Variants in SHISA3 observed in about 807,000 individuals in gnomAD.
SHISA3 encodes shisa family member 3.
A neutral mutation model predicts 19.2 loss-of-function variants in SHISA3; 15 were observed. The ratio of observed to expected loss-of-function variants is 0.78; its 90% confidence interval spans 0.52 to 1.20. SHISA3 has a LOEUF of 1.20. Among genes scored for constraint, SHISA3 ranks in the 50% most tolerant of loss-of-function variants. The pLI is 0.00. For synonymous variants in SHISA3, 145 were observed against 135.2 expected (o/e 1.07, Z -0.50); for missense variants, 327 against 315.7 (o/e 1.04, Z -0.27).
Position 42,398,168 on chromosome 4 carries a change from T to C in SHISA3, c.112T>C (p.Tyr38His). 1 of 1,607,142 alleles carries C rather than the reference T, an allele frequency of 6.2e-7. No homozygotes were observed. Among genetic ancestry groups the C allele is most frequent in the Non-Finnish European group, 8.5e-7 (1 of 1,177,272 alleles). ...CHGWVDVQGN[Y>H]HEGFQCPEDF... is the part of the protein sequence containing the mutation. ...CGGCTGGGTGGACGTGCAGGGCAAC[T>C]ACCACGAGGGCTTCCAGTGCCCAGA... The change falls in exon 1 of 2, where the codon TAC becomes CAC. Residue 38 changes from tyrosine (Y) to histidine (H), a missense_variant. Transcript: ENST00000319234.
Position 42,398,219 on chromosome 4 carries a change from AT to A in SHISA3, c.164del (p.Ile55ThrfsTer61). On this transcript the variant is annotated frameshift_variant, in exon 1 of 2. Coordinates refer to ENST00000319234, the MANE Select transcript of SHISA3 (RefSeq NM_001080505.3). LOFTEE classifies it high-confidence loss of function. Reference protein sequence around the residue: ...PEDFDTLDATICCGSCALRYC... With the variant: ...PEDFDTLDATXCCGSCALRYC... ...GGACTTCGACACGCTGGACGCTACCATCTGCTGCGGCTCCTGCGCGCTCCGC... is the reference window on the plus strand; with the variant it reads ...GGACTTCGACACGCTGGACGCTACCACTGCTGCGGCTCCTGCGCGCTCCGC... 1 of 1,596,416 alleles carries A rather than the reference AT, an allele frequency of 6.3e-7. No homozygotes were observed. Among genetic ancestry groups the A allele is most frequent in the Non-Finnish European group, 8.5e-7 (1 of 1,171,822 alleles).
Position 42,398,351 on chromosome 4 carries a change from G to T in SHISA3, c.277+18G>T, listed in dbSNP as rs1254919352. On this transcript the variant is annotated intron_variant, in intron 1 of 1. Coordinates refer to ENST00000319234, the MANE Select transcript of SHISA3 (RefSeq NM_001080505.3). ...CACTGCGCGTAAGTGCGGGGCCCTC[G>T]GGGACATATCCCCGCCCGCCTAACG... is the stretch of plus-strand genomic sequence containing the variant. 7.2e-6 allele frequency: 11 copies of T among 1,523,092 alleles called. 1 individual carries two copies. In the South Asian group the frequency reaches 1.4e-4, roughly 19 times the overall value. The allele number at this position is 1,523,092 out of a possible 1,614,324, so 94.3% of individuals were successfully genotyped here.
chr4:42,398,366 C>T lies in SHISA3; in HGVS notation c.277+33C>T, dbSNP rs377224976. 6.3e-5 allele frequency: 94 copies of T among 1,497,792 alleles called. No individual in the cohort carries two copies. The East Asian group carries it at 8.6e-4, about 14-fold the overall frequency. 92.8% of individuals were successfully genotyped at this position (1,497,792 alleles called of 1,614,324 possible). ...CGGGGCCCTCGGGGACATATCCCCG[C>T]CCGCCTAACGGCGGCGGCTGCATGT... On this transcript the variant is annotated intron_variant, in intron 1 of 1. Coordinates refer to ENST00000319234, the MANE Select transcript of SHISA3 (RefSeq NM_001080505.3).
rs1456613892 is a variant in SHISA3, at chr4:42,398,223, G to A, written c.167G>A (p.Cys56Tyr). Reference protein sequence around the residue: ...EDFDTLDATICCGSCALRYCC... With the variant: ...EDFDTLDATIYCGSCALRYCC... ...TTCGACACGCTGGACGCTACCATCT[G>A]CTGCGGCTCCTGCGCGCTCCGCTAC... is the stretch of plus-strand genomic sequence containing the variant. The change falls in exon 1 of 2, where the codon TGC becomes TAC. Residue 56 changes from cysteine to tyrosine, a missense_variant. Transcript: ENST00000319234. 1 of 1,594,176 alleles carries A rather than the reference G, an allele frequency of 6.3e-7. No individual in the cohort carries two copies. The highest frequency in any genetic ancestry group is 1.3e-5 in the African/African-American group (1 of 74,398).
intron 1 of SHISA3, among the ~76,000 whole-genome samples, chr4:42,400,127 G>T (rs977714194): frequency 3.9e-5 from 6 of 152,342 alleles, no homozygotes; most frequent in Non-Finnish European, 7.3e-5. Context: ...TCTTCTACCT[G>T]TAAGCTGGAG....
intron 1 of SHISA3, 140 bp downstream of exon 1, chr4:42,398,473 G>T: frequency 1.1e-6 from 1 of 902,880 alleles, no homozygotes; most frequent in Non-Finnish European, 1.6e-6. Flanking sequence ...CCGGGTGGGG[G>T]AATCAAGGGA....
intron 1 of SHISA3, among the ~76,000 whole-genome samples, chr4:42,400,762 A>G (rs961552250): frequency 1.7e-4 from 26 of 152,120 alleles, no homozygotes; most frequent in African/African-American, 5.8e-4. Flanking sequence ...GATGTGCAAT[A>G]TGATAGTTAA....
Position 42,401,072 on chromosome 4 carries a change from G to A in SHISA3, c.338G>A (p.Gly113Asp), listed in dbSNP as rs1451950805. Residue 113 changes from glycine (G) to aspartate (D), a missense_variant, in exon 2 of 2, where the codon GGC (glycine) becomes GAC (aspartate). Coordinates refer to ENST00000319234, the MANE Select transcript of SHISA3 (RefSeq NM_001080505.3). ...ATCTTCATTGCGTTCATCATCCTGG[G>A]CTCTGTAGTGGCTATTTATTGTTGC... The part of the protein sequence containing the change: ...GSIFIAFIIL[G>D]SVVAIYCCTC... 6.2e-7 allele frequency: 1 copy of A among 1,614,112 alleles called. No homozygotes were observed. Among genetic ancestry groups the A allele is most frequent in the Non-Finnish European group, 8.5e-7 (1 of 1,180,030 alleles).
In SHISA3 at chr4:42,402,465, A is replaced by G. The variant is rs1050540760; in HGVS notation, c.*1014A>G. The G allele has an allele frequency of 6.6e-6, 1 of 152,164 alleles. No homozygotes were observed. Among genetic ancestry groups the G allele is most frequent in the Admixed American group, 6.5e-5 (1 of 15,276 alleles). 9.4% of individuals were successfully genotyped at this position (152,164 alleles called of 1,614,324 possible). On this transcript the variant is annotated 3_prime_UTR_variant, in exon 2 of 2. Transcript: ENST00000319234. ...CTTGTTGGATTAGAATAAATAAAAC[A>G]CTTTATATTTTCATGAACTCTATTT...
intron 1 of SHISA3, 77 bp from the exon 2 acceptor site, chr4:42,400,935 C>T: frequency 6.8e-7 from 1 of 1,474,858 alleles, no homozygotes; most frequent in South Asian, 1.3e-5. Context: ...CCTCTCAACC[C>T]TCAGCTGCCC....
At position 42,398,331 on chromosome 4, in the gene SHISA3, C is replaced by A. The variant is rs764682928; in HGVS notation, c.275C>A (p.Ala92Glu). Reference protein sequence around the residue: ...RRELEHPGITAQPVYVPFLIV... With the variant: ...RRELEHPGITEQPVYVPFLIV... Reference sequence around the variant, plus strand: ...GAACTGGAGCACCCAGGCATCACTGCGCGTAAGTGCGGGGCCCTCGGGGAC... The same window carrying A: ...GAACTGGAGCACCCAGGCATCACTGAGCGTAAGTGCGGGGCCCTCGGGGAC... Residue 92 changes from alanine to glutamate, a missense_variant and splice_region_variant, in exon 1 of 2, where the codon GCG becomes GAG. Physicochemically the swap from Ala to Glu is moderately radical, Grantham distance 107 (BLOSUM62 -1). Transcript: ENST00000319234. The A allele has an allele frequency of 7.8e-6, 12 of 1,546,650 alleles. No individual in the cohort carries two copies. In the African/African-American group the frequency reaches 1.4e-4, roughly 18 times the overall value.
In SHISA3 at chr4:42,401,635, C is replaced by T. The variant is rs527961952; in HGVS notation, c.*184C>T. On this transcript the variant is annotated 3_prime_UTR_variant, in exon 2 of 2. Transcript: ENST00000319234. ...TGTCTCCAATCACAGAAAGGCTAAA[C>T]CAGAGAACTGTTTTCTGGTTTTGCA... is the stretch of plus-strand genomic sequence containing the variant. 1.9e-4 allele frequency: 113 copies of T among 601,206 alleles called. No individual in the cohort carries two copies. In the South Asian group the frequency reaches 3.2e-3, roughly 17 times the overall value. The allele number at this position is 601,206 out of a possible 1,614,324, so 37.2% of individuals were successfully genotyped here. A position where few individuals can be genotyped will look rare whatever the true frequency, so the allele number is the denominator to read the frequency against.
intron 1 of SHISA3, among the ~76,000 whole-genome samples, chr4:42,399,913 C>T (rs1304326260): frequency 6.6e-6 from 1 of 152,222 alleles, no homozygotes; most frequent in Non-Finnish European, 1.5e-5. Context: ...AGAGCTTACG[C>T]CTAGTAGCCC....
In SHISA3 at chr4:42,402,352, T is replaced by G. The variant is rs1711946923; in HGVS notation, c.*901T>G. 6.6e-6 allele frequency: 1 copy of G among 152,216 alleles called. No homozygotes were observed. The highest frequency in any genetic ancestry group is 6.5e-5 in the Admixed American group (1 of 15,282). The allele number at this position is 152,216 out of a possible 1,614,324, so 9.4% of individuals were successfully genotyped here. ...TGTTAATAATAACTGGAGTTCAAAG[T>G]CTAGCTATTGGTATAATCATCTAAT... is the stretch of plus-strand genomic sequence containing the variant. On this transcript the variant is annotated 3_prime_UTR_variant, in exon 2 of 2. Transcript: ENST00000319234.
chr4:42,401,882 G>A lies in SHISA3; in HGVS notation c.*431G>A, dbSNP rs1711935254. 6.4e-6 allele frequency: 1 copy of A among 155,338 alleles called. No homozygotes were observed. Among genetic ancestry groups the A allele is most frequent in the Admixed American group, 6.5e-5 (1 of 15,412 alleles). 9.6% of individuals were successfully genotyped at this position (155,338 alleles called of 1,614,324 possible). A position where few individuals can be genotyped will look rare whatever the true frequency, so the allele number is the denominator to read the frequency against. On this transcript the variant is annotated 3_prime_UTR_variant, in exon 2 of 2. Transcript: ENST00000319234. ...AAATACCTAATTGTAATTATCAAAGGTTCACTTAAAAAATTAACTATTAGG... is the reference window on the plus strand; with the variant it reads ...AAATACCTAATTGTAATTATCAAAGATTCACTTAAAAAATTAACTATTAGG...
Position 42,401,037 on chromosome 4 carries a change from C to T in SHISA3, c.303C>T (p.Ile101=), listed in dbSNP as rs1429694353. ...AGCCTGTCTACGTCCCCTTTCTCAT[C>T]GTCGGCTCCATCTTCATTGCGTTCA... ...TAQPVYVPFL[I]VGSIFIAFII... is the part of the protein sequence containing the mutation. The change falls in exon 2 of 2, where the codon ATC becomes ATT. Residue 101 remains isoleucine, a synonymous_variant. Coordinates refer to ENST00000319234, the MANE Select transcript of SHISA3 (RefSeq NM_001080505.3). 17 of 1,614,138 alleles carry T rather than the reference C, an allele frequency of 1.1e-5. No homozygotes were observed. The highest frequency in any genetic ancestry group is 1.4e-5 in the Non-Finnish European group (17 of 1,179,980).
chr4:42,398,859 C>A (rs1034388454), intron 1 of SHISA3, among the ~76,000 whole-genome samples: 1 of 152,132 alleles, frequency 6.6e-6, no homozygotes, highest in Admixed American at 6.5e-5. Flanking sequence ...CGTTTCTAAG[C>A]CACGGCCCCG....
chr4:42,397,696 C>T lies in SHISA3; in HGVS notation c.-361C>T, dbSNP rs1711772581. The stretch of plus-strand genomic sequence containing the variant: ...GTTGGCAGCCCCGGGCGCTATGGCT[C>T]CCTTGAGGAGTGGGGAGGGAGGTGG... On this transcript the variant is annotated 5_prime_UTR_variant, in exon 1 of 2. Coordinates refer to ENST00000319234, the MANE Select transcript of SHISA3 (RefSeq NM_001080505.3). 2 of 244,942 alleles carry T rather than the reference C, an allele frequency of 8.2e-6. No individual in the cohort carries two copies. Among genetic ancestry groups the T allele is most frequent in the Admixed American group, 5.8e-5 (1 of 17,212 alleles). 15.2% of individuals were successfully genotyped at this position (244,942 alleles called of 1,614,324 possible). A position where few individuals can be genotyped will look rare whatever the true frequency, so the allele number is the denominator to read the frequency against.
rs1016537774 is a variant in SHISA3 at position 42,398,473 on chromosome 4, G to C, written c.277+140G>C. 5.2e-5 allele frequency: 47 copies of C among 902,762 alleles called. No individual in the cohort carries two copies. The Admixed American group carries it at 1.3e-3, about 26-fold the overall frequency. 55.9% of individuals were successfully genotyped at this position (902,762 alleles called of 1,614,324 possible). ...GCCAGGGGGACGCGGCCGGGTGGGG[G>C]AATCAAGGGATGAGTGGGTGGTCGC... On this transcript the variant is annotated intron_variant, in intron 1 of 1. Transcript: ENST00000319234.
Sources: allele counts gnomAD v4.1 joint callset (sites outside exome capture counted in the v4.1 genomes callset), GRCh38; gene constraint gnomAD v4.1.1; transcripts MANE v1.5; gene names NCBI Gene and HGNC (gene_info 2026-07-23, HGNC 2026-07-21).